OPCML: variants seen among roughly 807,000 people sequenced by gnomAD.
OPCML encodes opioid binding protein/cell adhesion molecule like.
A neutral mutation model predicts 37.8 loss-of-function variants in OPCML; 13 were observed. That is an observed-to-expected ratio of 0.34 (90% confidence interval 0.22 to 0.55). OPCML has a LOEUF of 0.55. Ranked by LOEUF, OPCML falls within the 20% of genes least tolerant of loss-of-function variation. The pLI is 0.91. For missense variants in OPCML, 341 were observed against 435.6 expected (o/e 0.78, Z 1.93); for synonymous variants, 176 against 168.8 (o/e 1.04, Z -0.33).
At chr11:133,334,912 T>C (rs1428273926) in intron 1 of OPCML, among the ~76,000 whole-genome samples, 3 of 152,208 alleles carry the variant, frequency 2.0e-5, no homozygotes, top group Non-Finnish European at 4.4e-5. Flanking sequence ...ATTGATGATG[T>C]GCTGTCTCTG....
chr11:132,755,287 T>C (rs1015539328), intron 2 of OPCML, among the ~76,000 whole-genome samples: 1 of 152,226 alleles, frequency 6.6e-6, no homozygotes, highest in African/African-American at 2.4e-5. Flanking sequence ...TTCATAAATA[T>C]TTAATATATA....
chr11:133,219,682 G>T, intron 1 of OPCML, among the ~76,000 whole-genome samples: 1 of 152,124 alleles, frequency 6.6e-6, no homozygotes, highest in African/African-American at 2.4e-5. Flanking sequence ...CTTCACTTTG[G>T]GGACCCTTGA....
intron 1 of OPCML, among the ~76,000 whole-genome samples, chr11:132,975,577 A>C (rs1413959603): frequency 1.7e-5 from 2 of 119,364 alleles, no homozygotes; most frequent in African/African-American, 3.1e-5. Flanking sequence ...AAAAAAAAAA[A>C]AAAAAACAAG....
chr11:132,997,737 C>T (rs1489726303), intron 1 of OPCML, among the ~76,000 whole-genome samples: 1 of 152,194 alleles, frequency 6.6e-6, no homozygotes, highest in Non-Finnish European at 1.5e-5. Context: ...TTGGTTGATT[C>T]CAAGAGCCTG....
chr11:132,610,364 T>C (rs1168310836), intron 3 of OPCML, among the ~76,000 whole-genome samples: 1 of 152,202 alleles, frequency 6.6e-6, no homozygotes. Context: ...CAGTTACTTT[T>C]AACTATGAAA....
intron 2 of OPCML, among the ~76,000 whole-genome samples, chr11:132,864,781 T>G (rs1555200333): frequency 6.6e-6 from 1 of 152,236 alleles, no homozygotes; most frequent in Non-Finnish European, 1.5e-5. Context: ...AACATCTATC[T>G]ATTTTTTTCT....
intron 1 of OPCML, among the ~76,000 whole-genome samples, chr11:133,336,753 C>G (rs1405679304): frequency 5.3e-5 from 8 of 152,226 alleles, no homozygotes; most frequent in African/African-American, 1.7e-4. Context: ...CTTAGCATCT[C>G]TCTTTCCTTA....
intron 1 of OPCML, among the ~76,000 whole-genome samples, chr11:132,971,696 T>G (rs906252): frequency 6.6e-6 from 1 of 151,964 alleles, no homozygotes; most frequent in Non-Finnish European, 1.5e-5. Flanking sequence ...CCAGGGAGGC[T>G]CTGTCTGCAG....
At chr11:133,308,589 C>T (rs1942990101) in intron 1 of OPCML, among the ~76,000 whole-genome samples, 1 of 152,122 alleles carries the variant, frequency 6.6e-6, no homozygotes, top group African/African-American at 2.4e-5. Context: ...ATGAGTTAGT[C>T]CACATCCGTA....
intron 1 of OPCML, among the ~76,000 whole-genome samples, chr11:133,439,579 T>G (rs1201087820): frequency 1.3e-5 from 2 of 152,126 alleles, no homozygotes; most frequent in Non-Finnish European, 2.9e-5. Flanking sequence ...GTCATTCTCC[T>G]GCCTCAGCCT....
At chr11:132,901,536 C>T (rs1483022428) in intron 2 of OPCML, among the ~76,000 whole-genome samples, 2 of 152,110 alleles carry the variant, frequency 1.3e-5, no homozygotes, top group Non-Finnish European at 2.9e-5. Flanking sequence ...TATACACAGA[C>T]GATGACATGG....
At chr11:133,248,183 G>T (rs886871594) in intron 1 of OPCML, among the ~76,000 whole-genome samples, 1 of 152,200 alleles carries the variant, frequency 6.6e-6, no homozygotes, top group Non-Finnish European at 1.5e-5. Context: ...ACGTACAATT[G>T]TGTGAAATTA....
intron 1 of OPCML, among the ~76,000 whole-genome samples, chr11:133,520,814 A>G (rs1278955128): frequency 6.6e-6 from 1 of 152,136 alleles, no homozygotes; most frequent in Admixed American, 6.5e-5. Flanking sequence ...CAGGTCTCTC[A>G]TCACAACCCA....
chr11:133,378,127 A>T (rs555830129), intron 1 of OPCML, among the ~76,000 whole-genome samples: 1 of 152,178 alleles, frequency 6.6e-6, no homozygotes, highest in South Asian at 2.1e-4. Context: ...TGTCTCCCCA[A>T]AGCCTTTTCT....
intron 2 of OPCML, among the ~76,000 whole-genome samples, chr11:132,835,830 C>A (rs1284348578): frequency 6.6e-6 from 1 of 152,174 alleles, no homozygotes; most frequent in Non-Finnish European, 1.5e-5. Context: ...CCACTGTAGA[C>A]TAAATATCTG....
chr11:132,518,909 G>A (rs1673023827), intron 4 of OPCML, among the ~76,000 whole-genome samples: 1 of 152,216 alleles, frequency 6.6e-6, no homozygotes, highest in South Asian at 2.1e-4. Flanking sequence ...CTTTACAACA[G>A]ACGGTAGGCA....
intron 3 of OPCML, among the ~76,000 whole-genome samples, chr11:132,598,701 G>A (rs181499276): frequency 7.6e-4 from 115 of 152,212 alleles, no homozygotes; most frequent in Admixed American, 2.1e-3. Flanking sequence ...ATCTGCCTCT[G>A]AATTTAATAC....
chr11:132,570,755 G>GCA, intron 3 of OPCML, among the ~76,000 whole-genome samples: 1 of 30,114 alleles, frequency 3.3e-5, no homozygotes, highest in East Asian at 1.1e-3. Flanking sequence ...AGGAAAGAGA[G>GCA]TATATATATA....
chr11:133,405,928 G>C (rs960794566), intron 1 of OPCML, among the ~76,000 whole-genome samples: 2 of 152,010 alleles, frequency 1.3e-5, no homozygotes, highest in African/African-American at 2.4e-5. Flanking sequence ...CATGACCTCC[G>C]CTGGCCACTT....
Sources: gnomAD v4.1 joint callset for allele counts (sites outside exome capture counted in the v4.1 genomes callset) on GRCh38, gnomAD v4.1.1 for gene constraint, MANE v1.5 for transcripts, NCBI Gene and HGNC (gene_info 2026-07-23, HGNC 2026-07-21) for gene names.